EPG5: variants seen among roughly 807,000 people sequenced by gnomAD.
The protein encoded by EPG5 is ectopic P-granules 5 autophagy tethering factor, also known as ectopic P granules protein 5 homolog.
In EPG5, 159 loss-of-function variants were observed where a neutral mutation model predicts 302.7. That is an observed-to-expected ratio of 0.53 (90% confidence interval 0.46 to 0.60). EPG5 has a LOEUF of 0.60. Among genes scored for constraint, EPG5 ranks in the 20% least tolerant of loss-of-function variants. EPG5 has a pLI of 0.00. For missense variants in EPG5, 2,896 were observed against 3,092.4 expected (o/e 0.94, Z 1.51); for synonymous variants, 1,158 against 1,136.8 (o/e 1.02, Z -0.37).
At chr18:45,885,675 C>T (rs115578527) in intron 29 of EPG5, among the ~76,000 whole-genome samples, 1,925 of 151,444 alleles carry the variant, frequency 0.013, 40 homozygotes, top group African/African-American at 0.043. Flanking sequence ...TGACCACAGG[C>T]GGAAATAATA....
At position 45,934,890 on chromosome 18, in the gene EPG5, G is replaced by C; in HGVS notation, c.2176C>G (p.Leu726Val). 10 of 1,614,146 alleles carry C rather than the reference G, an allele frequency of 6.2e-6. No homozygotes were observed. Among genetic ancestry groups the C allele is most frequent in the Non-Finnish European group, 8.5e-6 (10 of 1,180,026 alleles). ...TTCTCGCTCTCCACCTGGTGCATGA[G>C]GTAGAAGAGCTTCCACAGCATTTGC... ...SVQMLWKLFY[L>V]MHQVESENLQ... Residue 726 changes from leucine (L) to valine (V), a missense_variant, in exon 11 of 44, where the codon CTC becomes GTC. By Grantham distance (32) the Leu-to-Val change is conservative (BLOSUM62 1). Coordinates refer to ENST00000282041, the MANE Select transcript of EPG5 (RefSeq NM_020964.3).
the EPG5 span, chr18:45,829,161 G>T: frequency 1.0e-6 from 1 of 985,330 alleles, no homozygotes; most frequent in Non-Finnish European, 1.2e-6. Flanking sequence ...TCAGCCTGTG[G>T]CCCTGCCTCT....
At position 45,858,028 on chromosome 18, in the gene EPG5, G is replaced by C; in HGVS notation, c.7267C>G (p.Gln2423Glu). 1.2e-6 allele frequency: 2 copies of C among 1,613,824 alleles called. No individual in the cohort carries two copies. Among genetic ancestry groups the C allele is most frequent in the Non-Finnish European group, 8.5e-7 (1 of 1,179,930 alleles). Residue 2423 changes from glutamine (Q) to glutamate (E), a missense_variant, in exon 42 of 44, where the codon CAA becomes GAA. Physicochemically the swap from Gln to Glu is conservative, Grantham distance 29. This residue lies in a region of EPG5 where 620 missense variants were observed against 704.2 expected (regional missense o/e 0.88). Coordinates refer to ENST00000282041, the MANE Select transcript of EPG5 (RefSeq NM_020964.3). ...TGAATGAGGGAGAGCTGAAGGACTT[G>C]GTGCCACCACAAAAACAGCTTTGCC... is the stretch of plus-strand genomic sequence containing the variant. ...EEAKLFLWWH[Q>E]VLQLSLIQTE...
chr18:45,890,884 A>T (rs1342816252), intron 27 of EPG5, among the ~76,000 whole-genome samples: 1 of 152,066 alleles, frequency 6.6e-6, no homozygotes, highest in Non-Finnish European at 1.5e-5. Flanking sequence ...CAGACTGGGG[A>T]GCTGAGAGAG....
At chr18:45,833,006 T>C in the EPG5 span, among the ~76,000 whole-genome samples, 3 of 152,110 alleles carry the variant, frequency 2.0e-5, no homozygotes, top group Non-Finnish European at 4.4e-5. Flanking sequence ...ATCGTAACCC[T>C]TGGTGAAAGA....
At chr18:45,893,540 G>C (rs539685570) in intron 27 of EPG5, among the ~76,000 whole-genome samples, 76 of 141,452 alleles carry the variant, frequency 5.4e-4, no homozygotes, top group Non-Finnish European at 5.8e-4. Flanking sequence ...GCGACAGAGT[G>C]AGACTCTGTC....
chr18:45,903,549 T>C (rs1265241654), intron 25 of EPG5, among the ~76,000 whole-genome samples: 3 of 152,366 alleles, frequency 2.0e-5, no homozygotes, highest in Middle Eastern at 3.4e-3. Context: ...TTTTGAAATA[T>C]AGTCAGTAAT....
intron 16 of EPG5, among the ~76,000 whole-genome samples, chr18:45,920,628 G>A (rs143110802): frequency 9.2e-5 from 14 of 152,280 alleles, no homozygotes; most frequent in Non-Finnish European, 1.6e-4. Flanking sequence ...AGGAGGAGGC[G>A]GGGTGCCAGG....
At chr18:45,932,892 G>T (rs1266950309) in intron 11 of EPG5, among the ~76,000 whole-genome samples, 1 of 152,140 alleles carries the variant, frequency 6.6e-6, no homozygotes, top group Non-Finnish European at 1.5e-5. Context: ...GGCAAGGCTG[G>T]TACTGCCACT....
intron 12 of EPG5, among the ~76,000 whole-genome samples, chr18:45,929,243 T>G (rs1302506826): frequency 1.3e-5 from 2 of 152,186 alleles, no homozygotes; most frequent in Non-Finnish European, 2.9e-5. Flanking sequence ...ACTTCAAGTG[T>G]GGATTCAAAA....
chr18:45,814,100 G>T, the EPG5 span, among the ~76,000 whole-genome samples: 1 of 152,104 alleles, frequency 6.6e-6, no homozygotes, highest in Admixed American at 6.5e-5. Context: ...TAAACCAAAG[G>T]AACCTGGAAG....
chr18:45,899,625 T>G, intron 26 of EPG5, 59 bp from the exon 27 acceptor site: 1 of 1,574,468 alleles, frequency 6.4e-7, no homozygotes. Flanking sequence ...TGATAGGTGA[T>G]AAAGGCTTCC....
chr18:45,817,895 G>C, the EPG5 span, among the ~76,000 whole-genome samples: 1 of 152,220 alleles, frequency 6.6e-6, no homozygotes, highest in African/African-American at 2.4e-5. Context: ...AAGGAAAGAA[G>C]GAAGGAGTAT....
Position 45,865,568 on chromosome 18 carries a change from G to A in EPG5, c.6766+47C>T, listed in dbSNP as rs1461625786. On this transcript the variant is annotated intron_variant, in intron 39 of 43. Coordinates refer to ENST00000282041, the MANE Select transcript of EPG5 (RefSeq NM_020964.3). ...ATCTCACAGTGCCTTACGCACAGCA[G>A]GAATGCATTGACTGAATGAATACAG... The A allele has an allele frequency of 3.1e-6, 5 of 1,600,060 alleles. No homozygotes were observed. The Admixed American group carries it at 8.4e-5, about 27-fold the overall frequency.
chr18:45,930,651 G>C (rs775020985), intron 12 of EPG5, 25 bp downstream of exon 12: 1 of 1,522,176 alleles, frequency 6.6e-7, no homozygotes, highest in Admixed American at 2.3e-5. Context: ...ATTTTTAGCT[G>C]ATTTATAAAA....
chr18:45,846,791 G>A (rs915494203), downstream of EPG5, among the ~76,000 whole-genome samples: 38 of 152,322 alleles, frequency 2.5e-4, no homozygotes, highest in African/African-American at 6.5e-4. Flanking sequence ...GAGCAGCCCC[G>A]AGGGCTGCTG....
chr18:45,906,909 G>A (rs945404062), intron 24 of EPG5, among the ~76,000 whole-genome samples: 6 of 152,196 alleles, frequency 3.9e-5, no homozygotes, highest in Non-Finnish European at 8.8e-5. Flanking sequence ...ACCCACCTCG[G>A]CCTCCCAAAG....
chr18:45,929,094 G>T, intron 12 of EPG5, 85 bp from the exon 13 acceptor site: 3 of 1,359,122 alleles, frequency 2.2e-6, no homozygotes, highest in Non-Finnish European at 2.0e-6. Context: ...TTCAAGCAAA[G>T]CAGAAAGAAT....
the EPG5 span, chr18:45,838,754 G>C: frequency 1.0e-5 from 16 of 1,582,790 alleles, no homozygotes; most frequent in East Asian, 1.1e-4. Flanking sequence ...GTGCTGCCCA[G>C]TCCGGCTCAC....
Sources: allele counts gnomAD v4.1 joint callset (sites outside exome capture counted in the v4.1 genomes callset), GRCh38; gene constraint gnomAD v4.1.1; regional missense constraint gnomAD v4.1.1; transcripts MANE v1.5; gene names NCBI Gene and HGNC (gene_info 2026-07-23, HGNC 2026-07-21).